MSRA: variants seen among roughly 807,000 people sequenced by gnomAD.
MSRA encodes mitochondrial peptide methionine sulfoxide reductase.
A neutral mutation model predicts 31.3 loss-of-function variants in MSRA; 54 were observed. The ratio of observed to expected loss-of-function variants is 1.73; its 90% CI spans 1.39 to 2.17. The LOEUF (loss-of-function observed/expected upper bound fraction) is 2.17. MSRA is among the 30% of genes most tolerant of loss of function. The pLI is 0.00. For missense variants in MSRA, 507 were observed against 300.9 expected (o/e 1.69, Z -5.07); for synonymous variants, 169 against 116.5 (o/e 1.45, Z -2.90).
At chr8:10,103,985 A>G (rs1013162263) in intron 1 of MSRA, among the ~76,000 whole-genome samples, 1 of 152,220 alleles carries the variant, frequency 6.6e-6, no homozygotes, top group African/African-American at 2.4e-5. Context: ...CATGTTTAAA[A>G]ACTTTGATAA....
At chr8:10,177,574 A>G (rs1027655466) in intron 1 of MSRA, among the ~76,000 whole-genome samples, 4 of 152,226 alleles carry the variant, frequency 2.6e-5, no homozygotes, top group Non-Finnish European at 4.4e-5. Flanking sequence ...ACTGTTTCAT[A>G]TGCTATATCA....
intron 5 of MSRA, among the ~76,000 whole-genome samples, chr8:10,345,082 G>A (rs1018566654): frequency 2.6e-5 from 4 of 152,054 alleles, no homozygotes; most frequent in African/African-American, 9.7e-5. Context: ...GGTTAGCCTG[G>A]CCTGGGTTGG....
At chr8:10,056,732 A>T (rs929221546) in intron 1 of MSRA, among the ~76,000 whole-genome samples, 4 of 152,130 alleles carry the variant, frequency 2.6e-5, no homozygotes, top group Admixed American at 2.0e-4. Flanking sequence ...AGTAGCTGTA[A>T]ACTTGAAACT....
chr8:10,095,334 A>G lies in MSRA; in HGVS notation c.142+40676A>G, dbSNP rs566710642. On this transcript the variant is annotated intron_variant, in intron 1 of 5. Coordinates refer to ENST00000317173, the MANE Select transcript of MSRA (RefSeq NM_012331.5). ...TTATTGCTCCGGGAACATGTTAGTA[A>G]TAATTATGAAAGGTAGGATACCATG... is the stretch of plus-strand genomic sequence containing the variant. Among the ~76,000 whole-genome samples, 292 of 152,316 alleles carry G rather than the reference A, an allele frequency of 1.9e-3. 1 individual carries two copies. Among genetic ancestry groups the G allele is most frequent in the African/African-American group, 6.7e-3 (279 of 41,550 alleles).
intron 1 of MSRA, among the ~76,000 whole-genome samples, chr8:10,088,516 C>G (rs973064654): frequency 4.6e-5 from 7 of 152,152 alleles, no homozygotes; most frequent in Non-Finnish European, 7.4e-5. Flanking sequence ...GGGTGGATCA[C>G]TTGGGGTCAG....
intron 5 of MSRA, among the ~76,000 whole-genome samples, chr8:10,386,339 G>T (rs900629478): frequency 6.6e-6 from 1 of 152,214 alleles, no homozygotes; most frequent in African/African-American, 2.4e-5. Flanking sequence ...CTGATCAGAC[G>T]TTAGGAAGAT....
At chr8:10,157,540 G>A (rs746046472) in intron 1 of MSRA, among the ~76,000 whole-genome samples, 5 of 152,052 alleles carry the variant, frequency 3.3e-5, no homozygotes, top group Non-Finnish European at 7.4e-5. Flanking sequence ...GGCTGGAGTA[G>A]GGGCTGGGTT....
intron 5 of MSRA, among the ~76,000 whole-genome samples, chr8:10,333,793 G>A (rs1802849870): frequency 6.6e-6 from 1 of 151,218 alleles, no homozygotes; most frequent in Non-Finnish European, 1.5e-5. Context: ...GAGTTTCCAC[G>A]TTTCTTCTCC....
At chr8:10,146,922 T>A (rs1803192418) in intron 1 of MSRA, among the ~76,000 whole-genome samples, 1 of 152,030 alleles carries the variant, frequency 6.6e-6, no homozygotes, top group African/African-American at 2.4e-5. Context: ...TAAAGTAGGG[T>A]CTTGGCACAT....
chr8:10,337,182 T>A (rs1450136436), intron 5 of MSRA: 3 of 144,766 alleles, frequency 2.1e-5, no homozygotes, highest in Non-Finnish European at 4.6e-5. Context: ...CCTATGTTAC[T>A]TTTTTTTTTT....
At chr8:10,339,210 C>T (rs1374826816) in intron 5 of MSRA, among the ~76,000 whole-genome samples, 2 of 152,158 alleles carry the variant, frequency 1.3e-5, no homozygotes, top group African/African-American at 4.8e-5. Context: ...ACCCACGAAG[C>T]GATGATGTTG....
At chr8:10,227,708 T>G (rs1811117813) in intron 2 of MSRA, among the ~76,000 whole-genome samples, 1 of 152,170 alleles carries the variant, frequency 6.6e-6, no homozygotes, top group Non-Finnish European at 1.5e-5. Context: ...AAAGAAAAAT[T>G]AATCAAATTA....
rs1216056480 is a variant in MSRA, at chr8:10,428,587, C to G, written c.*275C>G. On this transcript the variant is annotated 3_prime_UTR_variant, in exon 6 of 6. Coordinates refer to ENST00000317173, the MANE Select transcript of MSRA (RefSeq NM_012331.5). ...AGATAGCAGGGATGCTGTGTTCACC[C>G]TTCTTGGTAGAAGCTAAGGTGTGAG... is the stretch of plus-strand genomic sequence containing the variant. 2.5e-6 allele frequency: 1 copy of G among 394,624 alleles called. No individual in the cohort carries two copies. The highest frequency in any genetic ancestry group is 4.6e-6 in the Non-Finnish European group (1 of 218,366). The allele number at this position is 394,624 out of a possible 1,614,324, so 24.4% of individuals were successfully genotyped here.
chr8:10,258,916 G>T (rs963233234), intron 3 of MSRA, among the ~76,000 whole-genome samples: 4 of 152,160 alleles, frequency 2.6e-5, no homozygotes, highest in African/African-American at 9.7e-5. Flanking sequence ...AGACCAGCCT[G>T]GCCAACATGT....
At chr8:10,074,468 A>C (rs11249969) in intron 1 of MSRA, among the ~76,000 whole-genome samples, 1 of 151,888 alleles carries the variant, frequency 6.6e-6, no homozygotes, top group African/African-American at 2.4e-5. Context: ...CTGAGTCTCT[A>C]AGTTAGGAAA....
chr8:10,079,850 C>T (rs1294670307), intron 1 of MSRA, among the ~76,000 whole-genome samples: 3 of 152,164 alleles, frequency 2.0e-5, no homozygotes, highest in Admixed American at 2.0e-4. Context: ...TATTAATTTG[C>T]TGTGCAGCTT....
At chr8:10,219,805 C>CAAAAAAAAAAAAAAAAAAAAAAAAAAAAA (rs202000887) in intron 2 of MSRA, among the ~76,000 whole-genome samples, 3 of 46,070 alleles carry the variant, frequency 6.5e-5, no homozygotes, top group African/African-American at 5.0e-4. Context: ...GACTCTGTCT[C>CAAAAAAAAAAAAAAAAAAAAAAAAAAAAA]CAAAAAAAAA....
At chr8:10,238,934 G>C (rs1812175482) in intron 2 of MSRA, among the ~76,000 whole-genome samples, 1 of 152,136 alleles carries the variant, frequency 6.6e-6, no homozygotes, top group Non-Finnish European at 1.5e-5. Flanking sequence ...ACATCTGTAT[G>C]ACAATAGACA....
chr8:10,150,461 A>G (rs957170977), intron 1 of MSRA, among the ~76,000 whole-genome samples: 1 of 152,244 alleles, frequency 6.6e-6, no homozygotes. Flanking sequence ...TCCCCGAACA[A>G]ATTACCTTTT....
Sources: gnomAD v4.1 joint callset for allele counts (sites outside exome capture counted in the v4.1 genomes callset) on GRCh38, gnomAD v4.1.1 for gene constraint, MANE v1.5 for transcripts, NCBI Gene and HGNC (gene_info 2026-07-23, HGNC 2026-07-21) for gene names.